The following CNTNAP2 variants were observed in gnomAD, a reference collection of about 807,000 sequenced individuals.
The protein encoded by CNTNAP2 is contactin associated protein 2.
In CNTNAP2, 98 loss-of-function variants were observed where a neutral mutation model predicts 155.2. That is an observed-to-expected ratio of 0.63 (90% confidence interval 0.54 to 0.75). CNTNAP2 has a LOEUF of 0.75. CNTNAP2 is among the 30% of genes least tolerant of loss of function. The pLI is 0.00. For synonymous variants in CNTNAP2, 651 were observed against 631.2 expected, an observed-to-expected ratio of 1.03 and a Z score of -0.47; for missense variants, 1,727 against 1,688.1, an observed-to-expected ratio of 1.02 and a Z score of -0.40.
At chr7:146,344,738 A>G (rs1025708635) in intron 1 of CNTNAP2, among the ~76,000 whole-genome samples, 1 of 152,216 alleles carries the variant, frequency 6.6e-6, no homozygotes, top group Non-Finnish European at 1.5e-5. Flanking sequence ...TCGGCCTCCC[A>G]AAGTGCTGGA....
intron 21 of CNTNAP2, among the ~76,000 whole-genome samples, chr7:148,344,354 C>T (rs1364720299): frequency 1.3e-5 from 2 of 152,066 alleles, no homozygotes; most frequent in South Asian, 2.1e-4. Flanking sequence ...CATGTGTGTC[C>T]GGGTCTCTGG....
intron 3 of CNTNAP2, among the ~76,000 whole-genome samples, chr7:146,903,106 C>CTATG (rs1796038445): frequency 1.3e-5 from 2 of 152,204 alleles, no homozygotes; most frequent in African/African-American, 4.8e-5. Context: ...AGACTGTGAT[C>CTATG]TATGGGCTTG....
intron 1 of CNTNAP2, among the ~76,000 whole-genome samples, chr7:146,748,906 TACA>T (rs1409191832): frequency 1.3e-5 from 2 of 152,216 alleles, no homozygotes; most frequent in Non-Finnish European, 2.9e-5. Context: ...TAAGCATTTA[TACA>T]ACAAGTCTGC....
chr7:148,067,446 A>G (rs557734290), intron 15 of CNTNAP2, among the ~76,000 whole-genome samples: 16 of 152,360 alleles, frequency 1.1e-4, no homozygotes, highest in East Asian at 5.8e-4. Context: ...GTCCTGTGAC[A>G]TGATCTGTCT....
At chr7:147,213,475 GTTAGTATTATTGCAAAGATAT>G (rs993937285) in intron 8 of CNTNAP2, among the ~76,000 whole-genome samples, 2 of 151,850 alleles carry the variant, frequency 1.3e-5, no homozygotes, top group African/African-American at 4.8e-5. Context: ...AGGAAATCAT[GTTAGTATTATTGCAAAGATAT>G]CCACAATGCA....
chr7:147,810,351 A>G (rs552728053), intron 13 of CNTNAP2, among the ~76,000 whole-genome samples: 7 of 152,110 alleles, frequency 4.6e-5, no homozygotes, highest in African/African-American at 1.4e-4. Flanking sequence ...TGTGATCTTA[A>G]GAAATCTACT....
chr7:148,224,807 C>T lies in CNTNAP2; in HGVS notation c.3248-4839C>T, dbSNP rs571300186. Among the ~76,000 whole-genome samples the T allele has an allele frequency of 7.9e-5, 12 of 152,238 alleles. No homozygotes were observed. The East Asian group carries it at 9.7e-4, about 12-fold the overall frequency. On this transcript the variant is annotated intron_variant, in intron 19 of 23. Transcript: ENST00000361727. ...GTAATGGTGGAAGGGGAAGCAAGCA[C>T]GTCCTTCTTCACATGGCGGCAGGAG...
At chr7:146,442,449 T>C (rs1357549352) in intron 1 of CNTNAP2, among the ~76,000 whole-genome samples, 1 of 152,126 alleles carries the variant, frequency 6.6e-6, no homozygotes, top group East Asian at 1.9e-4. Flanking sequence ...TGTGTGTGTG[T>C]GCGTGCGCAT....
chr7:146,637,559 G>A (rs1031012211), intron 1 of CNTNAP2, among the ~76,000 whole-genome samples: 5 of 152,222 alleles, frequency 3.3e-5, no homozygotes, highest in East Asian at 1.9e-4. Flanking sequence ...TAGTTCAGAC[G>A]TATCACTCTT....
chr7:146,117,251 T>C (rs1035444943), intron 1 of CNTNAP2: 2 of 460,150 alleles, frequency 4.3e-6, no homozygotes, highest in South Asian at 6.3e-5. Flanking sequence ...CTGATGTAGA[T>C]GGCAGCTTCT....
rs563165930 is a variant in CNTNAP2 at position 146,391,447 on chromosome 7, A to G, written c.97+274474A>G. Among the ~76,000 whole-genome samples, 4 of 152,122 alleles carry G rather than the reference A, an allele frequency of 2.6e-5. No homozygotes were observed. In the South Asian group the frequency reaches 6.2e-4, roughly 24 times the overall value. ...TCCCCTGTGTGTTTTTTGTGGGTTT[A>G]TATTATTCTTATTATAGTTTTATGA... On this transcript the variant is annotated intron_variant, in intron 1 of 23. Coordinates refer to ENST00000361727, the MANE Select transcript of CNTNAP2 (RefSeq NM_014141.6).
intron 1 of CNTNAP2, among the ~76,000 whole-genome samples, chr7:146,389,696 C>CTTTTTTTTTTTT (rs1408040421): frequency 2.8e-5 from 4 of 140,820 alleles, no homozygotes; most frequent in African/African-American, 2.7e-5. Context: ...TTTTTCTTTT[C>CTTTTTTTTTTTT]TTTTTTCTTT....
intron 1 of CNTNAP2, among the ~76,000 whole-genome samples, chr7:146,519,944 C>T (rs935863004): frequency 1.3e-5 from 2 of 151,586 alleles, no homozygotes; most frequent in African/African-American, 4.8e-5. Flanking sequence ...GGAAAAAAAA[C>T]CTTAAAACTT....
At chr7:147,356,231 A>G (rs192311996) in intron 9 of CNTNAP2, among the ~76,000 whole-genome samples, 60 of 152,282 alleles carry the variant, frequency 3.9e-4, no homozygotes, top group African/African-American at 1.4e-3. Context: ...GATAAAATTC[A>G]ACACCCCTTC....
At chr7:146,993,645 G>A (rs2372806) in intron 3 of CNTNAP2, among the ~76,000 whole-genome samples, 83,400 of 151,884 alleles carry the variant, frequency 0.55, 23,569 homozygotes, top group East Asian at 0.75. Flanking sequence ...CTCAAGCCTT[G>A]TTACTACCTA....
intron 14 of CNTNAP2, among the ~76,000 whole-genome samples, chr7:147,949,459 T>TATATATATATATATATA (rs1554453475): frequency 2.6e-3 from 333 of 129,696 alleles, no homozygotes; most frequent in Non-Finnish European, 3.8e-3. Flanking sequence ...TATATATATA[T>TATATATATATATATATA]TTTTTTTTTT....
chr7:147,636,900 AG>A (rs1243477033), intron 12 of CNTNAP2, among the ~76,000 whole-genome samples: 1 of 152,158 alleles, frequency 6.6e-6, no homozygotes, highest in African/African-American at 2.4e-5. Context: ...AGGAAAGGAA[AG>A]GCTGGCACTG....
chr7:147,884,001 G>T (rs1197941849), intron 13 of CNTNAP2, among the ~76,000 whole-genome samples: 4 of 152,180 alleles, frequency 2.6e-5, no homozygotes, highest in Non-Finnish European at 1.5e-5. Context: ...TAGGATAAGG[G>T]TTATGGAGTG....
chr7:146,289,103 C>A (rs938337033), intron 1 of CNTNAP2, among the ~76,000 whole-genome samples: 3 of 152,126 alleles, frequency 2.0e-5, no homozygotes, highest in Non-Finnish European at 4.4e-5. Context: ...CGCGCCCTGG[C>A]AGATGAATAC....
Sources: allele counts gnomAD v4.1 joint callset (sites outside exome capture counted in the v4.1 genomes callset), GRCh38; gene constraint gnomAD v4.1.1; transcripts MANE v1.5; gene names NCBI Gene and HGNC (gene_info 2026-07-23, HGNC 2026-07-21).